The following EIF2AK2 variants were observed in gnomAD, a reference collection of about 807,000 sequenced individuals.
EIF2AK2 encodes the protein interferon-induced, double-stranded RNA-activated protein kinase.
EIF2AK2 carries 40 observed loss-of-function variants against 70.5 expected under a neutral mutation model. The observed-to-expected ratio is 0.57, with a 90% CI of 0.44 to 0.74. The LOEUF is 0.74. Ranked by LOEUF, EIF2AK2 falls within the 30% of genes least tolerant of loss-of-function variation. The pLI is 0.00. For synonymous variants in EIF2AK2, 198 were observed against 220.9 expected (o/e 0.90, Z 0.92); for missense variants, 555 against 644.3 (o/e 0.86, Z 1.50).
At position 37,101,044 on chromosome 2, in the gene EIF2AK2, A is replaced by T. The variant is rs900748860; in HGVS notation, c.*6229T>A. On this transcript the variant is annotated 3_prime_UTR_variant, in exon 17 of 17. Coordinates refer to ENST00000233057, the MANE Select transcript of EIF2AK2 (RefSeq NM_001135651.3). Reference sequence around the variant, plus strand: ...TGATGCTTACCTTTCCTTAATCCCCACATCCAATTAGTTGCCAACTCCTCT... The same window carrying T: ...TGATGCTTACCTTTCCTTAATCCCCTCATCCAATTAGTTGCCAACTCCTCT... The T allele has an allele frequency of 7.9e-5, 12 of 152,160 alleles. 1 individual carries two copies. Among genetic ancestry groups the T allele is most frequent in the Admixed American group, 7.9e-4 (12 of 15,266 alleles). 9.4% of individuals were successfully genotyped at this position (152,160 alleles called of 1,614,324 possible). A position where few individuals can be genotyped will look rare whatever the true frequency, so the allele number is the denominator to read the frequency against.
Position 37,102,550 on chromosome 2 carries a change from T to G in EIF2AK2, c.*4723A>C, listed in dbSNP as rs1369454564. The G allele has an allele frequency of 6.6e-6, 1 of 152,208 alleles. No individual in the cohort carries two copies. The highest frequency in any genetic ancestry group is 1.5e-5 in the Non-Finnish European group (1 of 68,038). The allele number at this position is 152,208 out of a possible 1,614,324, so 9.4% of individuals were successfully genotyped here. A position where few individuals can be genotyped will look rare whatever the true frequency, so the allele number is the denominator to read the frequency against. On this transcript the variant is annotated 3_prime_UTR_variant, in exon 17 of 17. Coordinates refer to ENST00000233057, the MANE Select transcript of EIF2AK2 (RefSeq NM_001135651.3). Reference sequence around the variant, plus strand: ...TAGTAGAGACCTGGAAAAGCTTGTATGTAGCCTTTTAAACATTTCTTCTCA... The same window carrying G: ...TAGTAGAGACCTGGAAAAGCTTGTAGGTAGCCTTTTAAACATTTCTTCTCA...
chr2:37,148,436 A>T (rs1322043329), intron 2 of EIF2AK2: 2 of 390,390 alleles, frequency 5.1e-6, no homozygotes, highest in East Asian at 1.1e-4. Context: ...ATCCTGCCGG[A>T]AGCCAGGCGG....
chr2:37,141,738 C>G (rs1230321005), intron 4 of EIF2AK2, 37 bp from the exon 5 acceptor site: 1 of 1,551,674 alleles, frequency 6.4e-7, no homozygotes, highest in Admixed American at 2.1e-5. Flanking sequence ...ATATAAATGA[C>G]AACAAAGATT....
chr2:37,139,566 TA>T, intron 6 of EIF2AK2, 64 bp downstream of exon 6: 1 of 1,580,554 alleles, frequency 6.3e-7, no homozygotes, highest in Non-Finnish European at 8.6e-7. Flanking sequence ...TAACACAGTC[TA>T]ACCTCAAGTC....
At chr2:37,128,664 T>C (rs938517485) in intron 10 of EIF2AK2, among the ~76,000 whole-genome samples, 3 of 152,210 alleles carry the variant, frequency 2.0e-5, no homozygotes, top group African/African-American at 7.2e-5. Flanking sequence ...CACAGTTCCA[T>C]CTTTGACAGA....
intron 1 of EIF2AK2, among the ~76,000 whole-genome samples, chr2:37,150,102 A>G (rs1191061918): frequency 1.5e-4 from 22 of 151,460 alleles, no homozygotes; most frequent in Middle Eastern, 3.4e-3. Context: ...AAGAAAAGTG[A>G]TTGCAATAAA....
At chr2:37,116,161 A>C (rs915645265) in intron 13 of EIF2AK2, among the ~76,000 whole-genome samples, 2 of 152,062 alleles carry the variant, frequency 1.3e-5, no homozygotes, top group Non-Finnish European at 2.9e-5. Flanking sequence ...AGCCTCCCAA[A>C]GTGCTGAGGT....
At position 37,146,871 on chromosome 2, in the gene EIF2AK2, T is replaced by C. The variant is rs748049737; in HGVS notation, c.222A>G (p.Ile74Met). The C allele has an allele frequency of 5.6e-6, 9 of 1,613,734 alleles. No individual in the cohort carries two copies. In the East Asian group the frequency reaches 2.0e-4, roughly 36 times the overall value. ...KNAAAKLAVEILNKEKKAVSP... is the reference protein window; with the variant it reads ...KNAAAKLAVEMLNKEKKAVSP... Reference sequence around the variant, plus strand: ...CACTCACCTTCTTTTCCTTATTAAGTATCTCAACAGCTAATTTGGCTGCGG... The same window carrying C: ...CACTCACCTTCTTTTCCTTATTAAGCATCTCAACAGCTAATTTGGCTGCGG... The change falls in exon 4 of 17, where the codon ATA (isoleucine) becomes ATG (methionine). Residue 74 changes from isoleucine (I) to methionine (M), a missense_variant. By Grantham distance (10) the Ile-to-Met change is conservative. Coordinates refer to ENST00000233057, the MANE Select transcript of EIF2AK2 (RefSeq NM_001135651.3).
At chr2:37,152,663 C>G (rs1435608519) in intron 1 of EIF2AK2, among the ~76,000 whole-genome samples, 5 of 152,196 alleles carry the variant, frequency 3.3e-5, no homozygotes, top group African/African-American at 4.8e-5. Flanking sequence ...TCACTCTATA[C>G]TTTCTCCTTA....
chr2:37,121,345 T>G (rs940058401), intron 12 of EIF2AK2, among the ~76,000 whole-genome samples: 2 of 150,828 alleles, frequency 1.3e-5, no homozygotes, highest in African/African-American at 2.4e-5. Context: ...CAATCACCAT[T>G]GCTAACAGAT....
Position 37,107,014 on chromosome 2 carries a change from C to A in EIF2AK2, c.*259G>T, listed in dbSNP as rs1255638862. The A allele has an allele frequency of 2.1e-5, 6 of 284,626 alleles. No homozygotes were observed. Among genetic ancestry groups the A allele is most frequent in the Non-Finnish European group, 3.7e-5 (6 of 160,284 alleles). The allele number at this position is 284,626 out of a possible 1,614,324, so 17.6% of individuals were successfully genotyped here. A position where few individuals can be genotyped will look rare whatever the true frequency, so the allele number is the denominator to read the frequency against. ...CCAAGACTGTGTCATTGCACTCCAG[C>A]CTGGGCAACAGAGCGAGACTCTGTC... On this transcript the variant is annotated 3_prime_UTR_variant, in exon 17 of 17. Transcript: ENST00000233057.
At chr2:37,155,587 C>T (rs1299019920) in intron 1 of EIF2AK2, among the ~76,000 whole-genome samples, 1 of 152,212 alleles carries the variant, frequency 6.6e-6, no homozygotes, top group East Asian at 1.9e-4. Context: ...GCTTTTTAAA[C>T]TAATTAGTGA....
intron 9 of EIF2AK2, among the ~76,000 whole-genome samples, chr2:37,136,087 A>T (rs1163900251): frequency 2.6e-5 from 4 of 152,250 alleles, no homozygotes; most frequent in Non-Finnish European, 5.9e-5. Flanking sequence ...AACCTCAGGA[A>T]GTACATCTCC....
intron 2 of EIF2AK2, 26 bp from the exon 3 acceptor site, chr2:37,147,848 A>G: frequency 6.8e-7 from 1 of 1,465,704 alleles, no homozygotes; most frequent in Non-Finnish European, 9.5e-7. Context: ...CATTTGAATG[A>G]GTGATGCTCA....
At chr2:37,119,262 G>A (rs903539342) in intron 13 of EIF2AK2, among the ~76,000 whole-genome samples, 1 of 152,162 alleles carries the variant, frequency 6.6e-6, no homozygotes, top group Non-Finnish European at 1.5e-5. Context: ...CGGGATTACC[G>A]CAATTTTCCA....
At chr2:37,136,867 G>T in intron 9 of EIF2AK2, 116 bp downstream of exon 9, 1 of 932,204 alleles carries the variant, frequency 1.1e-6, no homozygotes, top group Non-Finnish European at 1.5e-6. Context: ...CAAGCTTTCT[G>T]CTTCTGAAAC....
intron 11 of EIF2AK2, among the ~76,000 whole-genome samples, chr2:37,123,341 A>C (rs77378317): frequency 0.11 from 16,458 of 151,694 alleles, 1,543 homozygotes; most frequent in East Asian, 0.54. Flanking sequence ...ATCTTGGCTC[A>C]TTGCAGCCTC....
chr2:37,132,174 A>G (rs557080092), intron 10 of EIF2AK2, among the ~76,000 whole-genome samples: 2 of 152,198 alleles, frequency 1.3e-5, no homozygotes, highest in African/African-American at 4.8e-5. Context: ...TCTAGTATCT[A>G]TTTCCCCTCA....
intron 1 of EIF2AK2, chr2:37,149,231 G>T: frequency 9.2e-7 from 1 of 1,092,360 alleles, no homozygotes; most frequent in South Asian, 1.2e-5. Flanking sequence ...ATGCCACTGT[G>T]ACCGCAAGTC....
Sources: gnomAD v4.1 joint callset for allele counts (sites outside exome capture counted in the v4.1 genomes callset) on GRCh38, gnomAD v4.1.1 for gene constraint, MANE v1.5 for transcripts, NCBI Gene and HGNC (gene_info 2026-07-23, HGNC 2026-07-21) for gene names.